The following USP50 variants were observed in gnomAD, a reference collection of about 807,000 sequenced individuals.
The protein encoded by USP50 is ubiquitin carboxyl-terminal hydrolase 50.
A neutral mutation model predicts 39.2 loss-of-function variants in USP50; 37 were observed. The observed-to-expected ratio is 0.94, with a 90% confidence interval of 0.73 to 1.24. The LOEUF is 1.24. USP50 is among the 50% of genes most tolerant of loss of function. USP50 has a pLI of 0.00. For synonymous variants in USP50, 139 were observed against 144.5 expected (o/e 0.96, Z 0.27); for missense variants, 374 against 398.2 (o/e 0.94, Z 0.52).
chr15:50,520,852 G>A (rs372193387), intron 6 of USP50, among the ~76,000 whole-genome samples: 1 of 152,096 alleles, frequency 6.6e-6, no homozygotes, highest in African/African-American at 2.4e-5. Context: ...GAGAGAGGCT[G>A]GTTAATAGAT....
At chr15:50,522,593 A>T (rs192999539) in intron 6 of USP50, among the ~76,000 whole-genome samples, 1 of 152,338 alleles carries the variant, frequency 6.6e-6, no homozygotes, top group East Asian at 1.9e-4. Flanking sequence ...ATTACAAGGC[A>T]AGAGCCCTGA....
chr15:50,545,212 A>T (rs1596022784), intron 1 of USP50, among the ~76,000 whole-genome samples: 1 of 152,224 alleles, frequency 6.6e-6, no homozygotes, highest in Non-Finnish European at 1.5e-5. Flanking sequence ...CTGGGCAAGT[A>T]ATTAAATTAT....
At chr15:50,497,184 G>C, downstream of USP50, 1 of 1,611,052 alleles carries the variant, frequency 6.2e-7, no homozygotes. Flanking sequence ...CTCTAAAAAA[G>C]ATAGAAATCT....
intron 6 of USP50, chr15:50,513,671 A>G (rs1022180824): frequency 1.3e-5 from 2 of 152,202 alleles, no homozygotes; most frequent in Non-Finnish European, 2.9e-5. Context: ...GCATTTCACA[A>G]AAGAAAGTAT....
intron 6 of USP50, chr15:50,501,995 T>C (rs755242476): frequency 1.1e-4 from 17 of 152,240 alleles, no homozygotes; most frequent in Non-Finnish European, 2.2e-4. Flanking sequence ...TAAAACTGAA[T>C]AGTTGCAGCC....
At chr15:50,542,877 C>G (rs2053041251) in intron 3 of USP50, among the ~76,000 whole-genome samples, 1 of 152,144 alleles carries the variant, frequency 6.6e-6, no homozygotes, top group Non-Finnish European at 1.5e-5. Flanking sequence ...AACCTTTATG[C>G]TAACCATTCC....
chr15:50,520,244 G>A (rs7167929), intron 6 of USP50, among the ~76,000 whole-genome samples: 12,501 of 151,924 alleles, frequency 0.082, 914 homozygotes, highest in African/African-American at 0.19. Flanking sequence ...AGGAATTTGC[G>A]GTTGTAATGG....
chr15:50,530,490 C>T (rs1033842103), intron 5 of USP50, among the ~76,000 whole-genome samples: 4 of 148,974 alleles, frequency 2.7e-5, no homozygotes, highest in Non-Finnish European at 5.9e-5. Flanking sequence ...AGGCTGAGGC[C>T]GGAGAATTGC....
intron 6 of USP50, 57 bp downstream of exon 6, chr15:50,529,740 A>G (rs2052925325): frequency 3.2e-6 from 5 of 1,569,642 alleles, no homozygotes; most frequent in Non-Finnish European, 4.3e-6. Flanking sequence ...ATTCAAGCAG[A>G]TAATTCTGGA....
intron 5 of USP50, among the ~76,000 whole-genome samples, chr15:50,536,671 TAAAA>T (rs538548855): frequency 2.7e-5 from 4 of 150,290 alleles, no homozygotes; most frequent in African/African-American, 9.8e-5. Context: ...TAAAATGAAT[TAAAA>T]AAAAACACAA....
chr15:50,515,528 C>T (rs1056871541), intron 6 of USP50, among the ~76,000 whole-genome samples: 1 of 151,980 alleles, frequency 6.6e-6, no homozygotes, highest in African/African-American at 2.4e-5. Flanking sequence ...AGGTGTGAGC[C>T]ACCACACCCA....
intron 5 of USP50, among the ~76,000 whole-genome samples, chr15:50,533,477 G>GAAA (rs200192822): frequency 5.3e-5 from 8 of 151,804 alleles, no homozygotes; most frequent in African/African-American, 1.9e-4. Flanking sequence ...GAGTGGGGGG[G>GAAA]AAAAAAACAC....
In USP50 at chr15:50,544,719, T is replaced by A; in HGVS notation, c.116A>T (p.His39Leu). 1 of 1,613,958 alleles carries A rather than the reference T, an allele frequency of 6.2e-7. No homozygotes were observed. Among genetic ancestry groups the A allele is most frequent in the African/African-American group, 1.3e-5 (1 of 75,012 alleles). The change falls in exon 2 of 7, where the codon CAT becomes CTT. Residue 39 changes from histidine (H) to leucine (L), a missense_variant. Transcript: ENST00000532404. ...PVKEADGNQPHFQGVTGLWNL... is the reference protein window; with the variant it reads ...PVKEADGNQPLFQGVTGLWNL... ...CCACAAGCCAGTGACACCCTGAAAA[T>A]GGGGCTGGTTCCCATCAGCCTCCTT...
chr15:50,532,160 T>A (rs1421172175), intron 5 of USP50: 4 of 456,170 alleles, frequency 8.8e-6, no homozygotes, highest in Non-Finnish European at 1.8e-5. Context: ...CCACACTTTG[T>A]GAATTTTCCT....
chr15:50,542,420 T>G (rs1443492793), intron 3 of USP50, among the ~76,000 whole-genome samples: 1 of 151,110 alleles, frequency 6.6e-6, no homozygotes, highest in Non-Finnish European at 1.5e-5. Flanking sequence ...TACTGCCCAC[T>G]CACCTCTTTT....
At position 50,543,671 on chromosome 15, in the gene USP50, G is replaced by A. The variant is rs141269691; in HGVS notation, c.371C>T (p.Thr124Met). ...SALGNLYPAF[T>M]KKMQQDAQEF... ...CTGAGCATCTTGTTGCATCTTTTTC[G>A]TAAATGCTGGGTAGAGGTTGCCAAG... Residue 124 changes from threonine (T) to methionine (M), a missense_variant, in exon 3 of 7, where the codon ACG (threonine) becomes ATG (methionine). Physicochemically the swap from Thr to Met is moderately conservative, Grantham distance 81 (BLOSUM62 -1). Coordinates refer to ENST00000532404, the MANE Select transcript of USP50 (RefSeq NM_203494.5). 59 of 1,613,338 alleles carry A rather than the reference G, an allele frequency of 3.7e-5. No individual in the cohort carries two copies. In the East Asian group the frequency reaches 7.1e-4, roughly 20 times the overall value.
intron 3 of USP50, 75 bp downstream of exon 3, chr15:50,543,523 G>A (rs1336811918): frequency 1.4e-5 from 20 of 1,408,156 alleles, no homozygotes; most frequent in Non-Finnish European, 1.9e-5. Context: ...AATTGAACAA[G>A]TAAAAGAATG....
In USP50 at chr15:50,541,200, A is replaced by T; in HGVS notation, c.509T>A (p.Ile170Asn). 6.2e-7 allele frequency: 1 copy of T among 1,613,944 alleles called. No individual in the cohort carries two copies. The highest frequency in any genetic ancestry group is 1.1e-5 in the South Asian group (1 of 91,070). ...GSTQRCCRKW[I>N]TTETSIITQL... is the part of the protein sequence containing the mutation. ...GGTGATGATGGATGTCTCAGTGGTAATCCACTTCCTGCAGCATCTCTGAGT... is the reference window on the plus strand; with the variant it reads ...GGTGATGATGGATGTCTCAGTGGTATTCCACTTCCTGCAGCATCTCTGAGT... Residue 170 changes from isoleucine to asparagine, a missense_variant, in exon 4 of 7, where the codon ATT becomes AAT. Transcript: ENST00000532404.
At chr15:50,520,735 A>T (rs2052843185) in intron 6 of USP50, among the ~76,000 whole-genome samples, 1 of 152,190 alleles carries the variant, frequency 6.6e-6, no homozygotes, top group Non-Finnish European at 1.5e-5. Context: ...AGGCACAGAA[A>T]AACAAATGTT....
Sources: allele counts gnomAD v4.1 joint callset (sites outside exome capture counted in the v4.1 genomes callset), GRCh38; gene constraint gnomAD v4.1.1; transcripts MANE v1.5; gene names NCBI Gene and HGNC (gene_info 2026-07-23, HGNC 2026-07-21).